SEC24D: variants seen among roughly 807,000 people sequenced by gnomAD.
SEC24D encodes the protein protein transport protein Sec24D.
SEC24D carries 69 observed loss-of-function variants against 116.9 expected under a neutral mutation model. That is an observed-to-expected ratio of 0.59 (90% CI 0.49 to 0.72). The LOEUF is 0.72. SEC24D is among the 30% of genes least tolerant of loss of function. The pLI is 0.00. For synonymous variants in SEC24D, 405 were observed against 442.8 expected (o/e 0.91, Z 1.07); for missense variants, 1,131 against 1,264.1 (o/e 0.89, Z 1.60).
chr4:118,823,405 G>T (rs1473078982), intron 3 of SEC24D, among the ~76,000 whole-genome samples: 4 of 152,164 alleles, frequency 2.6e-5, no homozygotes, highest in Non-Finnish European at 5.9e-5. Context: ...TATTATGGAG[G>T]ACTATAGGCT....
intron 3 of SEC24D, among the ~76,000 whole-genome samples, chr4:118,820,238 T>C (rs1730341875): frequency 6.7e-6 from 1 of 148,544 alleles, no homozygotes; most frequent in African/African-American, 2.5e-5. Flanking sequence ...TGGAGTAAAA[T>C]GGCAAGATCT....
In SEC24D at chr4:118,739,360, C is replaced by T. The variant is rs375773312; in HGVS notation, c.2239-73G>A. On this transcript the variant is annotated intron_variant, in intron 17 of 22. Coordinates refer to ENST00000280551, the MANE Select transcript of SEC24D (RefSeq NM_014822.4). The stretch of plus-strand genomic sequence containing the variant: ...ACCCAAGCTAACTTGATCTTACTTG[C>T]ATTTACAAAACACTGTGTACAGATA... The T allele has an allele frequency of 8.3e-6, 12 of 1,444,504 alleles. No individual in the cohort carries two copies. In the East Asian group the frequency reaches 1.1e-4, roughly 14 times the overall value. The allele number at this position is 1,444,504 out of a possible 1,614,324, so 89.5% of individuals were successfully genotyped here. A position where few individuals can be genotyped will look rare whatever the true frequency, so the allele number is the denominator to read the frequency against.
At chr4:118,757,886 A>G in intron 10 of SEC24D, 41 bp from the exon 11 acceptor site, 2 of 1,546,392 alleles carry the variant, frequency 1.3e-6, no homozygotes, top group Non-Finnish European at 1.8e-6. Context: ...AAGTAAATAC[A>G]TTGCATAATC....
intron 11 of SEC24D, 77 bp downstream of exon 11, chr4:118,757,644 T>G: frequency 7.2e-7 from 1 of 1,389,482 alleles, no homozygotes; most frequent in Admixed American, 2.3e-5. Context: ...CAATTGGTCA[T>G]TCAGCACTTA....
At chr4:118,753,765 C>T (rs1726949396) in intron 11 of SEC24D, among the ~76,000 whole-genome samples, 1 of 152,020 alleles carries the variant, frequency 6.6e-6, no homozygotes, top group Non-Finnish European at 1.5e-5. Flanking sequence ...ACTATTGATG[C>T]TCTTACCAAT....
At chr4:118,787,628 A>G (rs1052674306) in intron 8 of SEC24D, among the ~76,000 whole-genome samples, 17 of 152,138 alleles carry the variant, frequency 1.1e-4, no homozygotes, top group African/African-American at 4.1e-4. Flanking sequence ...CCTAGGCAAT[A>G]TAGTGAGACC....
chr4:118,724,213 G>T (rs1725291277), intron 22 of SEC24D, among the ~76,000 whole-genome samples: 1 of 152,110 alleles, frequency 6.6e-6, no homozygotes, highest in East Asian at 1.9e-4. Context: ...AGATGATCAG[G>T]TTCTGAATTA....
At chr4:118,778,007 C>T in intron 8 of SEC24D, among the ~76,000 whole-genome samples, 1 of 152,036 alleles carries the variant, frequency 6.6e-6, no homozygotes, top group Non-Finnish European at 1.5e-5. Context: ...TGGATATTAG[C>T]CCTTTGTCAG....
Position 118,815,700 on chromosome 4 carries a change from C to A in SEC24D, c.424G>T (p.Gly142Ter), listed in dbSNP as rs1348974947. ...GTGGCTGACAGAGGGCCAGGGGGTC[C>A]CTGGCTTGGAGGAGCCATGCCTGAA... is the stretch of plus-strand genomic sequence containing the variant. ...YGSGMAPPSQ[G>*]PPGPLSATSL... Residue 142 changes from glycine (G) to a stop codon, truncating the protein, a stop_gained, in exon 5 of 23, where the codon GGA (glycine) becomes TGA (stop). Coordinates refer to ENST00000280551, the MANE Select transcript of SEC24D (RefSeq NM_014822.4). LOFTEE classifies it high-confidence loss of function. The A allele has an allele frequency of 6.2e-7, 1 of 1,614,022 alleles. No individual in the cohort carries two copies. Among genetic ancestry groups the A allele is most frequent in the East Asian group, 2.2e-5 (1 of 44,886 alleles).
intron 13 of SEC24D, among the ~76,000 whole-genome samples, chr4:118,751,232 G>A (rs1726815696): frequency 7.3e-6 from 1 of 136,072 alleles, no homozygotes; most frequent in Admixed American, 9.1e-5. Flanking sequence ...AGGCTGGAGT[G>A]CAATGGCACC....
At chr4:118,764,745 T>A (rs1321252560) in intron 10 of SEC24D, 57 bp downstream of exon 10, 22 of 981,980 alleles carry the variant, frequency 2.2e-5, no homozygotes, top group Non-Finnish European at 3.5e-5. Flanking sequence ...CATATGAAAG[T>A]TATTCACTTG....
chr4:118,728,673 T>G, intron 21 of SEC24D, 23 bp from the exon 22 acceptor site: 1 of 1,382,876 alleles, frequency 7.2e-7, no homozygotes, highest in Non-Finnish European at 1.0e-6. Flanking sequence ...AAAATCAAAG[T>G]TTTAGTACAG....
Position 118,768,937 on chromosome 4 carries a change from C to A in SEC24D, c.1042-626G>T, listed in dbSNP as rs138573845. On this transcript the variant is annotated intron_variant, in intron 8 of 22. Coordinates refer to ENST00000280551, the MANE Select transcript of SEC24D (RefSeq NM_014822.4). ...GTGATGGTAATAATACCTACTTATA[C>A]TTACGTTAAAAACATTCTAGACAAC... Among the ~76,000 whole-genome samples the A allele has an allele frequency of 1.3e-3, 201 of 152,256 alleles. 1 individual carries two copies. The highest frequency in any genetic ancestry group is 3.4e-3 in the Middle Eastern group (1 of 294).
chr4:118,806,972 G>A (rs1035192736), intron 6 of SEC24D, among the ~76,000 whole-genome samples: 1 of 152,098 alleles, frequency 6.6e-6, no homozygotes, highest in African/African-American at 2.4e-5. Context: ...GGGCAACAGA[G>A]CAAGAGCCTA....
At chr4:118,766,526 T>C (rs1347115186) in intron 9 of SEC24D, 1 of 152,222 alleles carries the variant, frequency 6.6e-6, no homozygotes, top group African/African-American at 2.4e-5. Context: ...TAGGAATGGA[T>C]ACCTGAGGGA....
At chr4:118,802,830 T>C (rs866950005) in intron 7 of SEC24D, among the ~76,000 whole-genome samples, 8 of 152,080 alleles carry the variant, frequency 5.3e-5, no homozygotes, top group African/African-American at 1.7e-4. Context: ...AGCCAAAAGG[T>C]AGAAACAACT....
In SEC24D at chr4:118,783,091, T is replaced by A. The variant is rs180870755; in HGVS notation, c.1041+14592A>T. Among the ~76,000 whole-genome samples the A allele has an allele frequency of 1.2e-4, 19 of 152,336 alleles. No homozygotes were observed. The East Asian group carries it at 2.3e-3, about 19-fold the overall frequency. On this transcript the variant is annotated intron_variant, in intron 8 of 22. Transcript: ENST00000280551. ...AGGCGACGCCCCGCCCTGCTTTGGC[T>A]CACCCTCTGTGGGCTGCACCCACTG... is the stretch of plus-strand genomic sequence containing the variant.
intron 4 of SEC24D, chr4:118,816,735 A>G (rs1432689304): frequency 2.3e-6 from 1 of 443,550 alleles, no homozygotes; most frequent in Admixed American, 2.5e-5. Flanking sequence ...GGAGCTTTCC[A>G]TGACTCACAG....
intron 6 of SEC24D, among the ~76,000 whole-genome samples, chr4:118,814,751 T>C (rs1730064710): frequency 6.6e-6 from 1 of 151,942 alleles, no homozygotes; most frequent in Non-Finnish European, 1.5e-5. Context: ...TATGTCAATG[T>C]AAACATTGTA....
Sources: allele counts gnomAD v4.1 joint callset (sites outside exome capture counted in the v4.1 genomes callset), GRCh38; gene constraint gnomAD v4.1.1; transcripts MANE v1.5; gene names NCBI Gene and HGNC (gene_info 2026-07-23, HGNC 2026-07-21).